AREL1: variants seen among roughly 807,000 people sequenced by gnomAD.
The protein encoded by AREL1 is apoptosis resistant E3 ubiquitin protein ligase 1, also known as apoptosis-resistant E3 ubiquitin protein ligase 1.
Under a neutral mutation model 99.0 loss-of-function variants are expected in AREL1, and 62 were observed. The ratio of observed to expected loss-of-function variants is 0.63; its 90% CI spans 0.51 to 0.77. The LOEUF (loss-of-function observed/expected upper bound fraction) is 0.77, where lower values mean the gene tolerates loss of function less well. AREL1 is among the 30% of genes least tolerant of loss of function. AREL1 has a pLI of 0.00. For missense variants in AREL1, 879 were observed against 1,027.6 expected (o/e 0.86, Z 1.98); for synonymous variants, 380 against 376.5 (o/e 1.01, Z -0.11).
intron 5 of AREL1, chr14:74,678,283 G>C: frequency 2.2e-6 from 1 of 446,554 alleles, no homozygotes; most frequent in Non-Finnish European, 4.5e-6. Context: ...GATTACTTGA[G>C]TCCAGGAGTT....
At chr14:74,684,378 C>G in intron 4 of AREL1, 76 bp downstream of exon 4, 1 of 1,330,890 alleles carries the variant, frequency 7.5e-7, no homozygotes, top group Non-Finnish European at 1.1e-6. Context: ...GTTAACATTC[C>G]AGGCCAGCAC....
chr14:74,712,387 C>CT (rs1295770191), intron 1 of AREL1, among the ~76,000 whole-genome samples: 3 of 152,092 alleles, frequency 2.0e-5, no homozygotes, highest in Non-Finnish European at 4.4e-5. Flanking sequence ...TTGTTCCTGG[C>CT]TTTCCACAAA....
In AREL1 at chr14:74,670,104, G is replaced by A. The variant is rs1259586942; in HGVS notation, c.1631C>T (p.Pro544Leu). ...QALVHPNPNRPAHLRLKMYEF... is the reference protein window; with the variant it reads ...QALVHPNPNRLAHLRLKMYEF... ...ATACATTTTCAGGCGCAGATGAGCG[G>A]GGCGATTAGGGTTGGGATGCACCTG... Residue 544 changes from proline to leucine, a missense_variant, in exon 14 of 20, where the codon CCC (proline) becomes CTC (leucine). Pro to Leu is a moderately conservative substitution (Grantham distance 98). Coordinates refer to ENST00000356357, the MANE Select transcript of AREL1 (RefSeq NM_001039479.2). The A allele has an allele frequency of 1.2e-6, 2 of 1,611,132 alleles. No individual in the cohort carries two copies. Among genetic ancestry groups the A allele is most frequent in the Non-Finnish European group, 1.7e-6 (2 of 1,178,194 alleles).
intron 2 of AREL1, among the ~76,000 whole-genome samples, chr14:74,691,613 T>C (rs780125146): frequency 6.6e-6 from 1 of 152,142 alleles, no homozygotes; most frequent in Non-Finnish European, 1.5e-5. Flanking sequence ...CAATGCCAAT[T>C]CTCTAGTGCA....
chr14:74,663,381 C>A lies in AREL1; in HGVS notation c.*339G>T, dbSNP rs901040032. On this transcript the variant is annotated 3_prime_UTR_variant, in exon 20 of 20. Coordinates refer to ENST00000356357, the MANE Select transcript of AREL1 (RefSeq NM_001039479.2). Reference sequence around the variant, plus strand: ...AGCACAGTGTGGATTTAAGGGTCTCCACACCAGTTTCCCAACAGGGCTGAG... The same window carrying A: ...AGCACAGTGTGGATTTAAGGGTCTCAACACCAGTTTCCCAACAGGGCTGAG... 8.7e-6 allele frequency: 3 copies of A among 344,528 alleles called. No homozygotes were observed. Among genetic ancestry groups the A allele is most frequent in the Non-Finnish European group, 1.7e-5 (3 of 176,214 alleles). The allele number at this position is 344,528 out of a possible 1,614,324, so 21.3% of individuals were successfully genotyped here. A position where few individuals can be genotyped will look rare whatever the true frequency, so the allele number is the denominator to read the frequency against.
chr14:74,670,200 C>T (rs1468982883), intron 13 of AREL1, 74 bp from the exon 14 acceptor site: 2 of 1,423,354 alleles, frequency 1.4e-6, no homozygotes, highest in African/African-American at 2.9e-5. Flanking sequence ...CCTTCCTTCC[C>T]CAACCCCATG....
Position 74,675,794 on chromosome 14 carries a change from C to T in AREL1, c.985G>A (p.Ala329Thr). The T allele has an allele frequency of 6.2e-7, 1 of 1,614,168 alleles. No individual in the cohort carries two copies. Among genetic ancestry groups the T allele is most frequent in the Non-Finnish European group, 8.5e-7 (1 of 1,180,042 alleles). The change falls in exon 8 of 20, where the codon GCT becomes ACT. Residue 329 changes from alanine to threonine, a missense_variant. Ala to Thr is a moderately conservative substitution (Grantham distance 58, BLOSUM62 0). Coordinates refer to ENST00000356357, the MANE Select transcript of AREL1 (RefSeq NM_001039479.2). The stretch of plus-strand genomic sequence containing the variant: ...GAGTCTTCATCTTCCTCGTCAACAG[C>T]AGTGGATGGCCGGCGCTGGGAAGAG... The part of the protein sequence containing the change: ...MTSSQRRPST[A>T]VDEEDEDSPS...
At chr14:74,689,090 C>G (rs1402291744) in intron 2 of AREL1, among the ~76,000 whole-genome samples, 1 of 151,916 alleles carries the variant, frequency 6.6e-6, no homozygotes, top group Non-Finnish European at 1.5e-5. Flanking sequence ...TCAAGTGAAC[C>G]ACCTGCCTTG....
chr14:74,666,095 C>T (rs2051556737), intron 17 of AREL1, among the ~76,000 whole-genome samples: 1 of 152,178 alleles, frequency 6.6e-6, no homozygotes, highest in African/African-American at 2.4e-5. Flanking sequence ...GATTTCACAT[C>T]TGAAGATATA....
At position 74,662,299 on chromosome 14, in the gene AREL1, C is replaced by CCTGCCTTG. The variant is rs1376004619; in HGVS notation, c.*1413_*1420dup. 6.2e-6 allele frequency: 2 copies of CCTGCCTTG among 323,668 alleles called. No homozygotes were observed. The highest frequency in any genetic ancestry group is 9.4e-5 in the East Asian group (2 of 21,278). The allele number at this position is 323,668 out of a possible 1,614,324, so 20.0% of individuals were successfully genotyped here. A position where few individuals can be genotyped will look rare whatever the true frequency, so the allele number is the denominator to read the frequency against. On this transcript the variant is annotated 3_prime_UTR_variant, in exon 20 of 20. Transcript: ENST00000356357. ...CAGGAGGCCAAGGCATTGCCAAAGT[C>CCTGCCTTG]CTGCCTTGTTTCAGGACTCTGTGTA... is the stretch of plus-strand genomic sequence containing the variant.
chr14:74,694,660 G>C (rs1176559767), intron 1 of AREL1, among the ~76,000 whole-genome samples: 1 of 152,136 alleles, frequency 6.6e-6, no homozygotes, highest in Non-Finnish European at 1.5e-5. Flanking sequence ...AAATAAGGGA[G>C]AGAATGGGCA....
Position 74,684,656 on chromosome 14 carries a change from G to C in AREL1, c.41C>G (p.Ala14Gly), listed in dbSNP as rs770949348. 6.2e-7 allele frequency: 1 copy of C among 1,614,128 alleles called. No homozygotes were observed. Among genetic ancestry groups the C allele is most frequent in the South Asian group, 1.1e-5 (1 of 91,070 alleles). ...GAGGAACTTAATTGTGAAGAAGAAT[G>C]CAACCACAGACACTGTGATTCCACC... ...VIGGITVSVV[A>G]FFFTIKFLFE... Residue 14 changes from alanine to glycine, a missense_variant, in exon 4 of 20, where the codon GCA becomes GGA. By Grantham distance (60) the Ala-to-Gly change is moderately conservative. Transcript: ENST00000356357.
intron 5 of AREL1, among the ~76,000 whole-genome samples, chr14:74,676,991 G>A (rs1415821146): frequency 4.0e-5 from 6 of 151,796 alleles, no homozygotes; most frequent in Non-Finnish European, 7.4e-5. Flanking sequence ...AGTGGAGACG[G>A]GGTTTCACTG....
chr14:74,705,062 G>A (rs1310605481), intron 1 of AREL1, among the ~76,000 whole-genome samples: 3 of 149,030 alleles, frequency 2.0e-5, no homozygotes, highest in Admixed American at 6.7e-5. Flanking sequence ...TTTTTGAGAC[G>A]GAGTTTCGCT....
At chr14:74,703,903 A>G (rs1373785915) in intron 1 of AREL1, among the ~76,000 whole-genome samples, 1 of 152,190 alleles carries the variant, frequency 6.6e-6, no homozygotes, top group Admixed American at 6.6e-5. Context: ...AACTTACAAG[A>G]AACTGCCAAA....
rs1330180860 is a variant in AREL1 at position 74,712,948 on chromosome 14, C to G, written c.-349G>C. On this transcript the variant is annotated 5_prime_UTR_variant, in exon 1 of 20. Coordinates refer to ENST00000356357, the MANE Select transcript of AREL1 (RefSeq NM_001039479.2). ...GAAACGTTACCCGAGCCGGGGGTTG[C>G]AGCGCGACGAAGTTCCACCTCCGCT... 1.4e-6 allele frequency: 1 copy of G among 695,882 alleles called. No individual in the cohort carries two copies. The allele number at this position is 695,882 out of a possible 1,614,324, so 43.1% of individuals were successfully genotyped here. A position where few individuals can be genotyped will look rare whatever the true frequency, so the allele number is the denominator to read the frequency against.
intron 1 of AREL1, among the ~76,000 whole-genome samples, chr14:74,705,825 C>G (rs1470707355): frequency 6.6e-6 from 1 of 152,174 alleles, no homozygotes; most frequent in African/African-American, 2.4e-5. Flanking sequence ...GTATAGTATA[C>G]ACAAAGGCAT....
intron 1 of AREL1, among the ~76,000 whole-genome samples, chr14:74,697,241 A>C (rs2089994736): frequency 6.6e-6 from 1 of 152,222 alleles, no homozygotes; most frequent in Admixed American, 6.5e-5. Context: ...TAGTGGCAGC[A>C]AACAGAAGTT....
chr14:74,684,702 C>G (rs752060577), intron 3 of AREL1, 22 bp from the exon 4 acceptor site: 5 of 1,606,580 alleles, frequency 3.1e-6, no homozygotes, highest in Non-Finnish European at 4.3e-6. Flanking sequence ...AGAGAACACA[C>G]AAACCGCCTG....
Sources: gnomAD v4.1 joint callset for allele counts (sites outside exome capture counted in the v4.1 genomes callset) on GRCh38, gnomAD v4.1.1 for gene constraint, MANE v1.5 for transcripts, NCBI Gene and HGNC (gene_info 2026-07-23, HGNC 2026-07-21) for gene names.